PTER: variants seen among roughly 807,000 people sequenced by gnomAD.
The protein encoded by PTER is N-acetyltaurine hydrolase.
PTER carries 38 observed loss-of-function variants against 29.6 expected under a neutral mutation model. That is an observed-to-expected ratio of 1.28 (90% CI 0.99 to 1.68). PTER has a LOEUF of 1.68. Among genes scored for constraint, PTER ranks in the 40% most tolerant of loss-of-function variants. PTER has a pLI of 0.00. For missense variants in PTER, 482 were observed against 427.8 expected (o/e 1.13, Z -1.12); for synonymous variants, 172 against 154.5 (o/e 1.11, Z -0.84).
chr10:16,470,698 G>A (rs1835014539), intron 1 of PTER, among the ~76,000 whole-genome samples: 1 of 152,116 alleles, frequency 6.6e-6, no homozygotes, highest in Admixed American at 6.5e-5. Context: ...AATCTGGAAG[G>A]TGGAGGTTGC....
At chr10:16,497,668 T>G (rs866567593) in intron 3 of PTER, among the ~76,000 whole-genome samples, 1 of 152,236 alleles carries the variant, frequency 6.6e-6, no homozygotes, top group Non-Finnish European at 1.5e-5. Flanking sequence ...AATTCTTTCC[T>G]CTGCTCCTTA....
chr10:16,496,154 C>G (rs546009100), intron 3 of PTER, among the ~76,000 whole-genome samples: 1 of 152,282 alleles, frequency 6.6e-6, no homozygotes, highest in South Asian at 2.1e-4. Flanking sequence ...GAATTCAGCC[C>G]CTCATTTATC....
chr10:16,479,378 G>C (rs1181522184), intron 1 of PTER, among the ~76,000 whole-genome samples: 5 of 152,062 alleles, frequency 3.3e-5, no homozygotes, highest in Non-Finnish European at 5.9e-5. Context: ...TGTCCAAGGA[G>C]GGACTCCTGG....
intron 1 of PTER, among the ~76,000 whole-genome samples, chr10:16,466,960 C>T (rs1834858608): frequency 6.6e-6 from 1 of 152,174 alleles, no homozygotes; most frequent in Non-Finnish European, 1.5e-5. Context: ...GAGTCACTTG[C>T]AGTAACTTTA....
intron 1 of PTER, among the ~76,000 whole-genome samples, chr10:16,470,139 T>C (rs1233731369): frequency 6.6e-6 from 1 of 152,198 alleles, no homozygotes; most frequent in East Asian, 1.9e-4. Flanking sequence ...TAGGTTGGAA[T>C]TGCAGCCTTT....
intron 1 of PTER, among the ~76,000 whole-genome samples, chr10:16,475,475 T>G (rs949270415): frequency 6.6e-6 from 1 of 152,192 alleles, no homozygotes; most frequent in African/African-American, 2.4e-5. Flanking sequence ...ATTCTTACAT[T>G]GCAACTCGGG....
At chr10:16,476,507 A>G (rs1835269316) in intron 1 of PTER, among the ~76,000 whole-genome samples, 1 of 152,210 alleles carries the variant, frequency 6.6e-6, no homozygotes, top group East Asian at 1.9e-4. Flanking sequence ...AGAAGCTTTT[A>G]AATGCTCCAC....
intron 1 of PTER, among the ~76,000 whole-genome samples, chr10:16,464,174 A>C (rs1336661875): frequency 1.3e-5 from 2 of 152,328 alleles, no homozygotes; most frequent in East Asian, 1.9e-4. Flanking sequence ...CAATATAGAA[A>C]GCTGAGGGTT....
rs1252001925 is a variant in PTER at position 16,511,335 on chromosome 10, T to C, written c.*79T>C. ...GCGATTTCCAGTCCACTGTGAGATA[T>C]TAATCAGTTACCTAGGACTAATGAC... On this transcript the variant is annotated 3_prime_UTR_variant, in exon 5 of 5. Coordinates refer to ENST00000535784, the MANE Select transcript of PTER (RefSeq NM_001261836.2). 13 of 1,288,206 alleles carry C rather than the reference T, an allele frequency of 1.0e-5. No homozygotes were observed. The South Asian group carries it at 1.3e-4, about 13-fold the overall frequency. 79.8% of individuals were successfully genotyped at this position (1,288,206 alleles called of 1,614,324 possible).
Position 16,511,360 on chromosome 10 carries a change from C to G in PTER, c.*104C>G. The stretch of plus-strand genomic sequence containing the variant: ...TTAATCAGTTACCTAGGACTAATGA[C>G]AGATCATTTCCTTCTGATGAGAACT... On this transcript the variant is annotated 3_prime_UTR_variant, in exon 5 of 5. Coordinates refer to ENST00000535784, the MANE Select transcript of PTER (RefSeq NM_001261836.2). 1 of 1,035,384 alleles carries G rather than the reference C, an allele frequency of 9.7e-7. No homozygotes were observed. Among genetic ancestry groups the G allele is most frequent in the Admixed American group, 1.8e-5 (1 of 54,664 alleles). 64.1% of individuals were successfully genotyped at this position (1,035,384 alleles called of 1,614,324 possible).
downstream of PTER, among the ~76,000 whole-genome samples, chr10:16,518,333 CACT>C (rs1836985275): frequency 6.6e-6 from 1 of 152,056 alleles, no homozygotes; most frequent in Non-Finnish European, 1.5e-5. Flanking sequence ...AAATGTTTAC[CACT>C]ATAGATTTAT....
At chr10:16,462,597 GTC>G (rs1235255484) in intron 1 of PTER, among the ~76,000 whole-genome samples, 1 of 141,038 alleles carries the variant, frequency 7.1e-6, no homozygotes, top group Non-Finnish European at 1.5e-5. Flanking sequence ...TTGAGACAGA[GTC>G]TCGCTCTGTT....
intron 3 of PTER, among the ~76,000 whole-genome samples, chr10:16,504,164 A>T (rs769225225): frequency 1.2e-4 from 18 of 150,308 alleles, no homozygotes; most frequent in Non-Finnish European, 1.9e-4. Context: ...GTGTGATTGG[A>T]TCTCTACAGT....
At chr10:16,489,479 A>C (rs1000682890) in intron 3 of PTER, among the ~76,000 whole-genome samples, 2 of 150,560 alleles carry the variant, frequency 1.3e-5, no homozygotes, top group African/African-American at 4.9e-5. Context: ...TTTAGAGTAC[A>C]ATTTTTTGTT....
chr10:16,483,769 C>A (rs574405358), intron 1 of PTER, among the ~76,000 whole-genome samples: 1 of 152,026 alleles, frequency 6.6e-6, no homozygotes, highest in Non-Finnish European at 1.5e-5. Context: ...TCCCTTGAAC[C>A]CAGGAGGCGG....
At position 16,505,037 on chromosome 10, in the gene PTER, A is replaced by T. The variant is rs1487457420; in HGVS notation, c.716A>T (p.Lys239Ile). 2 of 1,613,852 alleles carry T rather than the reference A, an allele frequency of 1.2e-6. No individual in the cohort carries two copies. The highest frequency in any genetic ancestry group is 4.5e-5 in the East Asian group (2 of 44,882). Residue 239 changes from lysine to isoleucine, a missense_variant, in exon 4 of 5, where the codon AAA becomes ATA. Transcript: ENST00000535784. ...GTTTCTAGGACTATTCTTGATAAGAAAGAGCTCTTGGAGTTTGCTCAACTT... is the reference window on the plus strand; with the variant it reads ...GTTTCTAGGACTATTCTTGATAAGATAGAGCTCTTGGAGTTTGCTCAACTT... Reference protein sequence around the residue: ...SHLDRTILDKKELLEFAQLGC... With the variant: ...SHLDRTILDKIELLEFAQLGC...
At chr10:16,489,929 G>C (rs1381092553) in intron 3 of PTER, among the ~76,000 whole-genome samples, 1 of 152,162 alleles carries the variant, frequency 6.6e-6, no homozygotes, top group Non-Finnish European at 1.5e-5. Context: ...TCTCAAGGGA[G>C]ACTTTTTCTC....
intron 3 of PTER, among the ~76,000 whole-genome samples, chr10:16,493,357 G>T (rs1361035561): frequency 6.6e-6 from 1 of 152,130 alleles, no homozygotes; most frequent in Admixed American, 6.5e-5. Context: ...AATGCTATGT[G>T]CATGTATTTG....
intron 1 of PTER, among the ~76,000 whole-genome samples, chr10:16,470,622 G>T (rs692139): frequency 6.6e-6 from 1 of 152,116 alleles, no homozygotes; most frequent in Non-Finnish European, 1.5e-5. Flanking sequence ...ACAAAACTTA[G>T]CTGGGTGTGG....
Sources: allele counts gnomAD v4.1 joint callset (sites outside exome capture counted in the v4.1 genomes callset), GRCh38; gene constraint gnomAD v4.1.1; transcripts MANE v1.5; gene names NCBI Gene and HGNC (gene_info 2026-07-23, HGNC 2026-07-21).